SPATA17: variants seen among roughly 807,000 people sequenced by gnomAD.
SPATA17 encodes the protein spermatogenesis-associated protein 17.
In SPATA17, 53 loss-of-function variants were observed where a neutral mutation model predicts 62.2. That is an observed-to-expected ratio of 0.85 (90% CI 0.68 to 1.07). SPATA17 has a LOEUF of 1.07. SPATA17 is among the 50% of genes least tolerant of loss of function. The pLI, the probability that SPATA17 is intolerant of heterozygous loss-of-function variation, is 0.00. For missense variants in SPATA17, 466 were observed against 425.5 expected, an observed-to-expected ratio of 1.10 and a Z score of -0.84; for synonymous variants, 146 against 146.8, an observed-to-expected ratio of 0.99 and a Z score of 0.04.
intron 4 of SPATA17, among the ~76,000 whole-genome samples, chr1:217,673,878 A>G (rs1670887233): frequency 6.6e-6 from 1 of 152,100 alleles, no homozygotes; most frequent in African/African-American, 2.4e-5. Context: ...CCTAAAGTCT[A>G]TTTCTTGTCC....
At chr1:217,778,543 C>T (rs191238094) in intron 7 of SPATA17, among the ~76,000 whole-genome samples, 240 of 152,042 alleles carry the variant, frequency 1.6e-3, no homozygotes, top group Middle Eastern at 6.8e-3. Context: ...TAATAATAAA[C>T]CACGTTGCAT....
intron 9 of SPATA17, among the ~76,000 whole-genome samples, chr1:217,822,348 T>C (rs934211393): frequency 1.3e-5 from 2 of 151,548 alleles, no homozygotes; most frequent in Non-Finnish European, 2.9e-5. Flanking sequence ...TATTGACCAC[T>C]TGCTCTTTTC....
chr1:217,735,018 T>C (rs1274932255), intron 5 of SPATA17, among the ~76,000 whole-genome samples: 1 of 152,188 alleles, frequency 6.6e-6, no homozygotes, highest in Non-Finnish European at 1.5e-5. Flanking sequence ...TTTCACAATG[T>C]AGTTTCTTCT....
chr1:217,841,453 T>C (rs1675401586), intron 9 of SPATA17, among the ~76,000 whole-genome samples: 1 of 152,090 alleles, frequency 6.6e-6, no homozygotes, highest in African/African-American at 2.4e-5. Context: ...AACTAGATGG[T>C]GGGTGCATGA....
chr1:217,820,201 G>T (rs1365915291), intron 9 of SPATA17, among the ~76,000 whole-genome samples: 1 of 151,988 alleles, frequency 6.6e-6, no homozygotes, highest in Non-Finnish European at 1.5e-5. Flanking sequence ...GCAGGTACCC[G>T]CTAGACTATC....
At chr1:217,805,165 G>A (rs1264636613) in intron 9 of SPATA17, among the ~76,000 whole-genome samples, 1 of 152,178 alleles carries the variant, frequency 6.6e-6, no homozygotes, top group Non-Finnish European at 1.5e-5. Context: ...TAAAGAAAAT[G>A]TGCTAGATGT....
At chr1:217,836,338 C>G (rs190858607) in intron 9 of SPATA17, among the ~76,000 whole-genome samples, 1 of 152,060 alleles carries the variant, frequency 6.6e-6, no homozygotes, top group Non-Finnish European at 1.5e-5. Flanking sequence ...AACAAAATAA[C>G]TTTTAATCAT....
intron 9 of SPATA17, among the ~76,000 whole-genome samples, chr1:217,837,766 TC>T (rs1675295101): frequency 6.6e-6 from 1 of 152,166 alleles, no homozygotes; most frequent in South Asian, 2.1e-4. Flanking sequence ...TATATGCATT[TC>T]TTCAGGGCAC....
At chr1:217,825,592 A>T (rs61827062) in intron 9 of SPATA17, among the ~76,000 whole-genome samples, 4,488 of 152,062 alleles carry the variant, frequency 0.03, 106 homozygotes, top group Middle Eastern at 0.062. Flanking sequence ...ATATGTAATT[A>T]TATAACATAT....
intron 9 of SPATA17, among the ~76,000 whole-genome samples, chr1:217,831,563 A>G (rs1465550808): frequency 6.6e-6 from 1 of 152,220 alleles, no homozygotes; most frequent in Non-Finnish European, 1.5e-5. Context: ...AGTATTTAAA[A>G]GATCAAATCC....
chr1:217,774,853 A>C (rs1673549559), intron 7 of SPATA17, among the ~76,000 whole-genome samples: 1 of 152,144 alleles, frequency 6.6e-6, no homozygotes, highest in South Asian at 2.1e-4. Context: ...AGGCTGAATA[A>C]TATTCTATTT....
chr1:217,704,535 C>A (rs796215742), intron 5 of SPATA17, among the ~76,000 whole-genome samples: 12 of 151,954 alleles, frequency 7.9e-5, no homozygotes, highest in African/African-American at 2.9e-4. Flanking sequence ...CAGGCGTGAG[C>A]CACCGCGCCC....
At chr1:217,846,622 TAGA>T (rs1675536373) in intron 9 of SPATA17, among the ~76,000 whole-genome samples, 1 of 152,198 alleles carries the variant, frequency 6.6e-6, no homozygotes, top group Admixed American at 6.5e-5. Context: ...TGCTAATGGA[TAGA>T]AGAACATGTT....
intron 6 of SPATA17, among the ~76,000 whole-genome samples, chr1:217,742,560 C>T (rs150604572): frequency 6.6e-6 from 1 of 152,252 alleles, no homozygotes; most frequent in East Asian, 1.9e-4. Context: ...AACAAAATTG[C>T]TTCAGGAATT....
intron 9 of SPATA17, among the ~76,000 whole-genome samples, chr1:217,810,881 A>G (rs1193064215): frequency 6.6e-6 from 1 of 152,038 alleles, no homozygotes; most frequent in Non-Finnish European, 1.5e-5. Context: ...AGAACAGCAT[A>G]GGGGAAACCA....
intron 10 of SPATA17, 83 bp from the exon 11 acceptor site, chr1:217,866,939 C>T (rs1262549082): frequency 6.6e-6 from 1 of 151,568 alleles, no homozygotes; most frequent in Non-Finnish European, 1.5e-5. Flanking sequence ...ATAGAAGACC[C>T]CACACTGCCT....
chr1:217,682,377 AC>A (rs1339493548), intron 4 of SPATA17, among the ~76,000 whole-genome samples: 4 of 151,716 alleles, frequency 2.6e-5, no homozygotes, highest in South Asian at 2.1e-4. Context: ...AAAAAAAAAA[AC>A]ACCCTACTTT....
At chr1:217,838,324 G>A (rs1037966586) in intron 9 of SPATA17, among the ~76,000 whole-genome samples, 2 of 151,968 alleles carry the variant, frequency 1.3e-5, no homozygotes, top group Admixed American at 6.6e-5. Context: ...TTTCTCTGAT[G>A]TTATGTTTTT....
chr1:217,769,299 G>A (rs1018342325), intron 6 of SPATA17, among the ~76,000 whole-genome samples: 3 of 152,144 alleles, frequency 2.0e-5, no homozygotes, highest in African/African-American at 7.2e-5. Flanking sequence ...CTATAGTTAG[G>A]GGAACCTTCT....
Sources: allele counts gnomAD v4.1 joint callset (sites outside exome capture counted in the v4.1 genomes callset), GRCh38; gene constraint gnomAD v4.1.1; transcripts MANE v1.5; gene names NCBI Gene and HGNC (gene_info 2026-07-23, HGNC 2026-07-21).